NHSL1: variants seen among roughly 807,000 people sequenced by gnomAD.
NHSL1 encodes the protein NHS like 1, also known as NHS-like protein 1.
Under a neutral mutation model 95.0 loss-of-function variants are expected in NHSL1, and 48 were observed. That is an observed-to-expected ratio of 0.51 (90% CI 0.40 to 0.64). NHSL1 has a LOEUF of 0.64. Among genes scored for constraint, NHSL1 ranks in the 30% least tolerant of loss-of-function variants. The probability of loss-of-function intolerance (pLI) is 0.00; values close to 1 mark genes in which losing one functional copy is unlikely to be tolerated. For synonymous variants in NHSL1, 783 were observed against 833.9 expected (o/e 0.94, Z 1.05); for missense variants, 1,971 against 2,077.7 (o/e 0.95, Z 1.00).
intron 5 of NHSL1, among the ~76,000 whole-genome samples, chr6:138,434,402 T>C (rs1775930064): frequency 6.9e-6 from 1 of 144,908 alleles, no homozygotes; most frequent in Admixed American, 6.9e-5. Flanking sequence ...AAACAGAGAA[T>C]AGTATGTTAA....
chr6:138,458,087 C>T (rs886261272), intron 3 of NHSL1, among the ~76,000 whole-genome samples: 3 of 151,840 alleles, frequency 2.0e-5, no homozygotes, highest in Non-Finnish European at 2.9e-5. Context: ...AGTCTTAACA[C>T]GGAAGACCAT....
intron 1 of NHSL1, among the ~76,000 whole-genome samples, chr6:138,523,421 T>C (rs565076757): frequency 6.6e-6 from 1 of 152,142 alleles, no homozygotes; most frequent in Admixed American, 6.5e-5. Context: ...GTGATCCTCC[T>C]GCTTCAGCCT....
intron 1 of NHSL1, among the ~76,000 whole-genome samples, chr6:138,506,829 A>G (rs1780986175): frequency 6.6e-6 from 1 of 152,246 alleles, no homozygotes; most frequent in African/African-American, 2.4e-5. Flanking sequence ...AATGTTAAAA[A>G]TCACTTTATT....
At chr6:138,514,064 C>G (rs997519330) in intron 1 of NHSL1, among the ~76,000 whole-genome samples, 2 of 152,164 alleles carry the variant, frequency 1.3e-5, no homozygotes, top group African/African-American at 4.8e-5. Flanking sequence ...CGCCTGTAAT[C>G]TCAGCACTTT....
At chr6:138,625,229 G>A (rs961626437) in intron 1 of NHSL1, among the ~76,000 whole-genome samples, 14 of 151,858 alleles carry the variant, frequency 9.2e-5, no homozygotes, top group South Asian at 2.1e-4. Context: ...TGCAACCTCC[G>A]CCTCCCAGGT....
intron 1 of NHSL1, among the ~76,000 whole-genome samples, chr6:138,628,171 G>A (rs1056343604): frequency 1.3e-5 from 2 of 151,606 alleles, no homozygotes; most frequent in Admixed American, 6.6e-5. Flanking sequence ...AATTAGCCAG[G>A]CATGGTGGTA....
chr6:138,454,696 C>G (rs999638675), intron 3 of NHSL1, among the ~76,000 whole-genome samples: 20 of 152,080 alleles, frequency 1.3e-4, no homozygotes, highest in African/African-American at 4.8e-4. Flanking sequence ...CAATAAAAGG[C>G]GTTTTAATAA....
At position 138,442,085 on chromosome 6, in the gene NHSL1, G is replaced by A. The variant is rs1261161013; in HGVS notation, c.562C>T (p.Arg188Trp). The change falls in exon 5 of 8, where the codon CGG (arginine) becomes TGG (tryptophan). Residue 188 changes from arginine (R) to tryptophan (W), a missense_variant. Arg to Trp is a moderately radical substitution (Grantham distance 101). Around this residue, in one of 3 missense-constraint regions of NHSL1, gnomAD observed 1,602 missense variants for 1,654.5 expected, o/e 0.97. Coordinates refer to ENST00000343505, the MANE Select transcript of NHSL1 (RefSeq NM_001144060.2). ...GENFDRQASLRRSLIYTDTLV... is the reference protein window; with the variant it reads ...GENFDRQASLWRSLIYTDTLV... ...GTGTCTGTGTAAATTAGAGACCGCC[G>A]AAGGCTGGCCTGGCGATCGAAATTC... 8.4e-6 allele frequency: 13 copies of A among 1,550,622 alleles called. No homozygotes were observed. The highest frequency in any genetic ancestry group is 4.9e-5 in the East Asian group (2 of 40,880).
chr6:138,429,702 T>C lies in NHSL1; in HGVS notation c.4085+9A>G, dbSNP rs1011590178. On this transcript the variant is annotated intron_variant, in intron 7 of 7. Transcript: ENST00000343505. ...GTAGATTAAAGTCAGAGGAAGGAGT[T>C]TGAAATACCTGTGAATAGCTGCAAA... is the stretch of plus-strand genomic sequence containing the variant. The C allele has an allele frequency of 2.3e-5, 36 of 1,545,754 alleles. No homozygotes were observed. In the Admixed American group the frequency reaches 3.6e-4, roughly 16 times the overall value.
Position 138,424,982 on chromosome 6 carries a change from C to G in NHSL1, c.4086-166G>C, listed in dbSNP as rs1421966945. 6.6e-6 allele frequency among the ~76,000 whole-genome samples: 1 copy of G among 152,060 alleles called. No individual in the cohort carries two copies. Among genetic ancestry groups the G allele is most frequent in the East Asian group, 1.9e-4 (1 of 5,190 alleles). ...CAGTGGCTCACACCTGTAATCCCAG[C>G]ATTTTGGGAGGCCACGGTGGGAGGA... On this transcript the variant is annotated intron_variant, in intron 7 of 7. Transcript: ENST00000343505. The surrounding 1 kb of genome is among the most constrained non-coding windows in gnomAD (Gnocchi z 5.9).
At chr6:138,651,022 A>C (rs2114708664) in intron 1 of NHSL1, 5 of 423,238 alleles carry the variant, frequency 1.2e-5, no homozygotes, top group Non-Finnish European at 1.8e-5. Context: ...GTTCGATCTC[A>C]TCGTAACAAA....
intron 2 of NHSL1, among the ~76,000 whole-genome samples, chr6:138,477,138 G>A (rs1419544049): frequency 6.6e-6 from 1 of 152,120 alleles, no homozygotes; most frequent in Non-Finnish European, 1.5e-5. Flanking sequence ...AGTGAAACTT[G>A]TAAAATAAAC....
exon 1 of NHSL1, chr6:138,571,765 C>T (rs1297302479): frequency 6.4e-7 from 1 of 1,552,192 alleles, no homozygotes; most frequent in Non-Finnish European, 8.7e-7. Flanking sequence ...CCACCTGCTG[C>T]CCACAAACCG....
rs1359267482 is a variant in NHSL1 at position 138,422,847 on chromosome 6, C to T, written c.*1234G>A. On this transcript the variant is annotated 3_prime_UTR_variant, in exon 8 of 8. Coordinates refer to ENST00000343505, the MANE Select transcript of NHSL1 (RefSeq NM_001144060.2). The stretch of plus-strand genomic sequence containing the variant: ...TCATTTCCCAGGGCTAATTGATAGC[C>T]AGGCCCTACCAATTTTTATCAGTTT... The T allele has an allele frequency of 6.6e-6, 1 of 152,066 alleles. No individual in the cohort carries two copies. The highest frequency in any genetic ancestry group is 1.5e-5 in the Non-Finnish European group (1 of 68,022). The allele number at this position is 152,066 out of a possible 1,614,324, so 9.4% of individuals were successfully genotyped here.
intron 1 of NHSL1, among the ~76,000 whole-genome samples, chr6:138,591,205 G>T (rs1784220825): frequency 6.6e-6 from 1 of 152,126 alleles, no homozygotes; most frequent in Admixed American, 6.5e-5. Context: ...TTATCAAGGG[G>T]GGAAACACTG....
chr6:138,541,489 A>C (rs1161788787), intron 1 of NHSL1, among the ~76,000 whole-genome samples: 1 of 152,242 alleles, frequency 6.6e-6, no homozygotes, highest in Non-Finnish European at 1.5e-5. Context: ...TGATTTCAAA[A>C]GTACATATTT....
intron 1 of NHSL1, among the ~76,000 whole-genome samples, chr6:138,618,080 C>T (rs1006514609): frequency 3.3e-5 from 5 of 152,110 alleles, no homozygotes; most frequent in African/African-American, 1.2e-4. Context: ...TTATATGCCA[C>T]GATTTTATAA....
chr6:138,568,711 T>C (rs1397571659), intron 1 of NHSL1, among the ~76,000 whole-genome samples: 2 of 152,222 alleles, frequency 1.3e-5, no homozygotes, highest in Admixed American at 6.5e-5. Context: ...AATATGTATC[T>C]TGTAATTACT....
intron 1 of NHSL1, among the ~76,000 whole-genome samples, chr6:138,531,494 A>G (rs1782131196): frequency 6.7e-6 from 1 of 148,858 alleles, no homozygotes. Context: ...GATCTACTTC[A>G]TTTGTCAACC....
Sources: allele counts gnomAD v4.1 joint callset (sites outside exome capture counted in the v4.1 genomes callset), GRCh38; gene constraint gnomAD v4.1.1; regional missense constraint gnomAD v4.1.1; non-coding constraint Gnocchi (gnomAD v3.1); transcripts MANE v1.5; gene names NCBI Gene and HGNC (gene_info 2026-07-23, HGNC 2026-07-21).